Variants in GYG1 observed in about 807,000 individuals in gnomAD.
The protein encoded by GYG1 is glycogenin 1, also known as glycogenin-1.
In GYG1, 44 loss-of-function variants were observed where a neutral mutation model predicts 41.9. The ratio of observed to expected loss-of-function variants is 1.05; its 90% CI spans 0.83 to 1.35. The LOEUF is 1.35. GYG1 is among the 40% of genes most tolerant of loss of function. The pLI is 0.00. For synonymous variants in GYG1, 141 were observed against 158.1 expected (o/e 0.89, Z 0.81); for missense variants, 429 against 418.9 (o/e 1.02, Z -0.21).
chr3:149,006,030 C>G (rs575137272), intron 4 of GYG1, among the ~76,000 whole-genome samples: 3 of 151,502 alleles, frequency 2.0e-5, no homozygotes. Flanking sequence ...GTGACTACCA[C>G]CATAGTCAAG....
chr3:149,009,214 C>G lies in GYG1; in HGVS notation c.482-62C>G, dbSNP rs1713577905. On this transcript the variant is annotated intron_variant, in intron 4 of 7. Transcript: ENST00000345003. ...ATTTTTAAAGGTCCAGTTATGTGCT[C>G]CTATAAAATTATTAAACTGTCTAGA... 25 of 1,282,956 alleles carry G rather than the reference C, an allele frequency of 1.9e-5. 1 individual carries two copies. In the South Asian group the frequency reaches 2.9e-4, roughly 15 times the overall value. 79.5% of individuals were successfully genotyped at this position (1,282,956 alleles called of 1,614,324 possible).
intron 4 of GYG1, among the ~76,000 whole-genome samples, chr3:149,007,692 G>A (rs1713477729): frequency 6.6e-6 from 1 of 152,218 alleles, no homozygotes; most frequent in South Asian, 2.1e-4. Context: ...TGTATGTTGA[G>A]AAACGACCTG....
chr3:149,017,773 T>G (rs967757382), intron 5 of GYG1, among the ~76,000 whole-genome samples: 8 of 147,214 alleles, frequency 5.4e-5, no homozygotes, highest in African/African-American at 1.3e-4. Context: ...CCAGCTAGTT[T>G]TTTTTTTTTT....
intron 6 of GYG1, among the ~76,000 whole-genome samples, 155 bp from the exon 7 acceptor site, chr3:149,026,297 C>T (rs548056979): frequency 2.0e-5 from 3 of 152,278 alleles, no homozygotes; most frequent in East Asian, 1.9e-4. Context: ...GTATGTGTTG[C>T]GGCTCTCTAG....
intron 2 of GYG1, among the ~76,000 whole-genome samples, chr3:148,995,394 C>T (rs577681442): frequency 6.6e-6 from 1 of 152,184 alleles, no homozygotes; most frequent in Non-Finnish European, 1.5e-5. Context: ...AAAGTATAAG[C>T]ACAGGCCAAG....
intron 4 of GYG1, among the ~76,000 whole-genome samples, chr3:149,006,659 T>C (rs1386878673): frequency 6.6e-6 from 1 of 152,220 alleles, no homozygotes; most frequent in Non-Finnish European, 1.5e-5. Context: ...TTGAGCTGTT[T>C]TCAGTTTGTA....
At chr3:148,998,639 G>A (rs532111616) in intron 4 of GYG1, among the ~76,000 whole-genome samples, 2 of 147,640 alleles carry the variant, frequency 1.4e-5, no homozygotes, top group East Asian at 1.9e-4. Context: ...AATGTTCACC[G>A]TGGTCAAGGC....
intron 5 of GYG1, among the ~76,000 whole-genome samples, chr3:149,014,903 G>A (rs1201556025): frequency 6.7e-6 from 1 of 149,420 alleles, no homozygotes; most frequent in Admixed American, 6.7e-5. Context: ...TTCCTCAGAA[G>A]TCTCAAATCT....
chr3:149,006,563 G>T (rs1339919399), intron 4 of GYG1, among the ~76,000 whole-genome samples: 2 of 152,110 alleles, frequency 1.3e-5, no homozygotes, highest in Non-Finnish European at 2.9e-5. Context: ...ATTCATCCAG[G>T]TTATTGTATC....
chr3:148,992,354 A>C (rs1029114006), intron 1 of GYG1: 1 of 152,388 alleles, frequency 6.6e-6, no homozygotes, highest in African/African-American at 2.4e-5. Context: ...AGCCAGGGTT[A>C]TTACAGCAGT....
At chr3:149,017,975 GGA>G (rs1489515958) in intron 5 of GYG1, among the ~76,000 whole-genome samples, 2 of 151,980 alleles carry the variant, frequency 1.3e-5, no homozygotes, top group African/African-American at 4.8e-5. Flanking sequence ...GCATTTGGTG[GGA>G]GAGAGAAAAC....
At chr3:149,007,189 T>C (rs905733879) in intron 4 of GYG1, among the ~76,000 whole-genome samples, 2 of 152,184 alleles carry the variant, frequency 1.3e-5, no homozygotes, top group African/African-American at 4.8e-5. Flanking sequence ...GGGCCTCTTT[T>C]ATAAGAGCAC....
chr3:149,026,719 A>AT (rs765258382), intron 7 of GYG1, 41 bp from the exon 8 acceptor site: 1 of 1,411,808 alleles, frequency 7.1e-7, no homozygotes, highest in Non-Finnish European at 1.0e-6. Flanking sequence ...AAACAGTTTG[A>AT]TTTTCAGCTC....
intron 5 of GYG1, among the ~76,000 whole-genome samples, chr3:149,011,817 G>C (rs961275292): frequency 1.3e-5 from 2 of 152,156 alleles, no homozygotes; most frequent in African/African-American, 4.8e-5. Context: ...TGTAACCATA[G>C]AGAATATGAC....
chr3:149,022,354 A>G (rs1327790157), intron 5 of GYG1, among the ~76,000 whole-genome samples: 1 of 152,250 alleles, frequency 6.6e-6, no homozygotes, highest in East Asian at 1.9e-4. Context: ...AAGTTAAGAC[A>G]TAGAACACAA....
At chr3:149,001,427 A>G (rs1189177183) in intron 4 of GYG1, 1 of 152,194 alleles carries the variant, frequency 6.6e-6, no homozygotes, top group African/African-American at 2.4e-5. Context: ...GTACCCGTGA[A>G]TATACTTTTT....
In GYG1 at chr3:149,003,531, T is replaced by A. The variant is rs573416654; in HGVS notation, c.482-5745T>A. ...TACCAAATTTATAAAATGTTAGACA[T>A]TTTTTATAGAAATGATATTTTTAAA... is the stretch of plus-strand genomic sequence containing the variant. On this transcript the variant is annotated intron_variant, in intron 4 of 7. Coordinates refer to ENST00000345003, the MANE Select transcript of GYG1 (RefSeq NM_004130.4). Among the ~76,000 whole-genome samples the A allele has an allele frequency of 2.1e-4, 32 of 152,338 alleles. No homozygotes were observed. In the South Asian group the frequency reaches 6.2e-3, roughly 30 times the overall value.
Position 149,027,052 on chromosome 3 carries a change from T to A in GYG1, c.*119T>A. The A allele has an allele frequency of 9.2e-7, 1 of 1,089,576 alleles. No individual in the cohort carries two copies. The highest frequency in any genetic ancestry group is 1.4e-6 in the Non-Finnish European group (1 of 722,408). 67.5% of individuals were successfully genotyped at this position (1,089,576 alleles called of 1,614,324 possible). A position where few individuals can be genotyped will look rare whatever the true frequency, so the allele number is the denominator to read the frequency against. On this transcript the variant is annotated 3_prime_UTR_variant, in exon 8 of 8. Coordinates refer to ENST00000345003, the MANE Select transcript of GYG1 (RefSeq NM_004130.4). The stretch of plus-strand genomic sequence containing the variant: ...TGCTAGAGGTTTTCATTAAAACTTA[T>A]CAGATGAGAGGCTTTTTTAGGATAA...
intron 5 of GYG1, among the ~76,000 whole-genome samples, chr3:149,019,035 C>T (rs1239912689): frequency 6.8e-6 from 1 of 147,246 alleles, no homozygotes; most frequent in Non-Finnish European, 1.5e-5. Context: ...TACCACTAGA[C>T]TCCAGCCTGA....
Sources: gnomAD v4.1 joint callset for allele counts (sites outside exome capture counted in the v4.1 genomes callset) on GRCh38, gnomAD v4.1.1 for gene constraint, MANE v1.5 for transcripts, NCBI Gene and HGNC (gene_info 2026-07-23, HGNC 2026-07-21) for gene names.